Variants in MBNL2 observed in about 807,000 individuals in gnomAD.
MBNL2 encodes the protein muscleblind-like protein 2.
Under a neutral mutation model 41.9 loss-of-function variants are expected in MBNL2, and 17 were observed. That is an observed-to-expected ratio of 0.41 (90% CI 0.28 to 0.61). The LOEUF (loss-of-function observed/expected upper bound fraction) is 0.61. Ranked by LOEUF, MBNL2 falls within the 20% of genes least tolerant of loss-of-function variation. MBNL2 has a pLI of 0.35. For synonymous variants in MBNL2, 195 were observed against 182.9 expected (o/e 1.07, Z -0.53); for missense variants, 336 against 505.6 (o/e 0.66, Z 3.22).
rs76993414 is a variant in MBNL2 at position 97,335,331 on chromosome 13, T to C, written c.339+891T>C. The stretch of plus-strand genomic sequence containing the variant: ...AGGCAGTGAGTGAAATGTGTTTGTT[T>C]CTAAAAAGTATGTGCACAAAAGGCT... On this transcript the variant is annotated intron_variant, in intron 3 of 8. Transcript: ENST00000679496. 4.6e-3 allele frequency among the ~76,000 whole-genome samples: 706 copies of C among 152,230 alleles called. 5 individuals are homozygous for C. Among genetic ancestry groups the C allele is most frequent in the African/African-American group, 0.016 (648 of 41,524 alleles).
At chr13:97,224,868 T>C (rs201482318) in intron 1 of MBNL2, among the ~76,000 whole-genome samples, 1 of 152,328 alleles carries the variant, frequency 6.6e-6, no homozygotes, top group East Asian at 1.9e-4. Context: ...GTTGTTTGCA[T>C]TTTTTCCATC....
At chr13:97,348,336 C>T (rs1594247332) in intron 5 of MBNL2, among the ~76,000 whole-genome samples, 1 of 152,132 alleles carries the variant, frequency 6.6e-6, no homozygotes, top group Non-Finnish European at 1.5e-5. Flanking sequence ...GTTGGGATTA[C>T]AGGTGCGAGC....
intron 2 of MBNL2, among the ~76,000 whole-genome samples, chr13:97,331,314 A>G (rs1566421834): frequency 1.3e-5 from 2 of 152,222 alleles, no homozygotes; most frequent in African/African-American, 4.8e-5. Flanking sequence ...AAAGTCAAGT[A>G]ATTGCTCAAA....
At chr13:97,234,123 A>G (rs1477528998) in intron 1 of MBNL2, among the ~76,000 whole-genome samples, 1 of 152,182 alleles carries the variant, frequency 6.6e-6, no homozygotes, top group Non-Finnish European at 1.5e-5. Context: ...CCGGACAATC[A>G]TGACCCTATG....
In MBNL2 at chr13:97,393,782, A is replaced by C. The variant is rs746057844; in HGVS notation, c.*2333A>C. 3 of 152,616 alleles carry C rather than the reference A, an allele frequency of 2.0e-5. No homozygotes were observed. Among genetic ancestry groups the C allele is most frequent in the Non-Finnish European group, 4.4e-5 (3 of 67,972 alleles). 9.5% of individuals were successfully genotyped at this position (152,616 alleles called of 1,614,324 possible). ...TCTGACTATGATGAATAAATCTTAA[A>C]TGCTTTGTTTAATTAAAAAACAAAA... On this transcript the variant is annotated 3_prime_UTR_variant, in exon 9 of 9. Transcript: ENST00000679496.
At chr13:97,159,039 T>C in the MBNL2 span, among the ~76,000 whole-genome samples, 1 of 151,354 alleles carries the variant, frequency 6.6e-6, no homozygotes, top group Non-Finnish European at 1.5e-5. Context: ...CTAAGTCTCT[T>C]TGTAGGTCAC....
At chr13:97,277,311 A>G (rs913112056) in intron 2 of MBNL2, among the ~76,000 whole-genome samples, 3 of 152,196 alleles carry the variant, frequency 2.0e-5, no homozygotes, top group African/African-American at 7.2e-5. Flanking sequence ...AGGCATAATA[A>G]TATTGTTTTC....
At chr13:97,347,142 C>G in intron 5 of MBNL2, 75 bp downstream of exon 5, 1 of 1,128,350 alleles carries the variant, frequency 8.9e-7, no homozygotes, top group Non-Finnish European at 1.2e-6. Flanking sequence ...CTTGGATGTT[C>G]TTCCAAACAC....
chr13:97,304,768 C>T (rs2057969523), intron 2 of MBNL2, among the ~76,000 whole-genome samples: 1 of 152,100 alleles, frequency 6.6e-6, no homozygotes, highest in South Asian at 2.1e-4. Flanking sequence ...TATATTATTA[C>T]ATATATAAAT....
chr13:97,208,795 T>A, the MBNL2 span, among the ~76,000 whole-genome samples: 1 of 152,278 alleles, frequency 6.6e-6, no homozygotes, highest in South Asian at 2.1e-4. Context: ...TACAGTTGAG[T>A]AGGTTGTGTA....
At chr13:97,212,819 T>G in the MBNL2 span, among the ~76,000 whole-genome samples, 1 of 152,136 alleles carries the variant, frequency 6.6e-6, no homozygotes, top group African/African-American at 2.4e-5. Context: ...TGAGTAGCAT[T>G]TGATGGAGGA....
the MBNL2 span, among the ~76,000 whole-genome samples, chr13:97,153,206 T>C: frequency 6.6e-6 from 1 of 152,184 alleles, no homozygotes; most frequent in African/African-American, 2.4e-5. Context: ...GAATAGTGTG[T>C]TCTTGACTCA....
intron 1 of MBNL2, among the ~76,000 whole-genome samples, chr13:97,233,033 T>A (rs1000128355): frequency 2.0e-5 from 3 of 149,966 alleles, no homozygotes; most frequent in African/African-American, 7.4e-5. Flanking sequence ...ATTTTGTTGC[T>A]CTCTATGAGA....
At chr13:97,219,730 T>C (rs1235637730), upstream of MBNL2, among the ~76,000 whole-genome samples, 3 of 152,206 alleles carry the variant, frequency 2.0e-5, no homozygotes, top group South Asian at 6.2e-4. Context: ...CACATATAAA[T>C]GTTAGGGGGA....
chr13:97,370,196 A>G (rs1361323498), intron 8 of MBNL2, among the ~76,000 whole-genome samples: 2 of 151,938 alleles, frequency 1.3e-5, no homozygotes, highest in Non-Finnish European at 2.9e-5. Flanking sequence ...CCTCAGCCAA[A>G]GTCAGACAGC....
intron 2 of MBNL2, among the ~76,000 whole-genome samples, chr13:97,318,518 T>C (rs1333669988): frequency 3.3e-5 from 5 of 152,318 alleles, no homozygotes; most frequent in Non-Finnish European, 7.4e-5. Context: ...TGAGTAAAAA[T>C]AATAACAATG....
chr13:97,271,701 G>A (rs1459472652), intron 1 of MBNL2, among the ~76,000 whole-genome samples: 1 of 152,122 alleles, frequency 6.6e-6, no homozygotes, highest in African/African-American at 2.4e-5. Flanking sequence ...CTGTTCCTGT[G>A]TTAGTTTAAT....
At chr13:97,204,641 G>T in the MBNL2 span, among the ~76,000 whole-genome samples, 20 of 152,200 alleles carry the variant, frequency 1.3e-4, no homozygotes, top group Admixed American at 3.9e-4. Context: ...TCTTAATTAT[G>T]TAGCCACTAA....
the MBNL2 span, among the ~76,000 whole-genome samples, chr13:97,203,750 A>AT: frequency 6.6e-6 from 1 of 152,174 alleles, no homozygotes; most frequent in African/African-American, 2.4e-5. Flanking sequence ...TAGTTAGTTA[A>AT]TTATCAATCT....
Sources: allele counts gnomAD v4.1 joint callset (sites outside exome capture counted in the v4.1 genomes callset), GRCh38; gene constraint gnomAD v4.1.1; transcripts MANE v1.5; gene names NCBI Gene and HGNC (gene_info 2026-07-23, HGNC 2026-07-21).